Variants in METTL13 observed in about 807,000 individuals in gnomAD.
METTL13 encodes the protein eEF1A lysine and N-terminal methyltransferase.
METTL13 carries 52 observed loss-of-function variants against 67.4 expected under a neutral mutation model. The observed-to-expected ratio is 0.77, with a 90% CI of 0.62 to 0.97. The LOEUF (loss-of-function observed/expected upper bound fraction) is 0.97, where lower values mean the gene tolerates loss of function less well. Among genes scored for constraint, METTL13 ranks in the 50% least tolerant of loss-of-function variants. The pLI, the probability that METTL13 is intolerant of heterozygous loss-of-function variation, is 0.00. For missense variants in METTL13, 825 were observed against 889.6 expected (o/e 0.93, Z 0.92); for synonymous variants, 354 against 353.6 (o/e 1.00, Z -0.01).
chr1:171,796,908 C>A lies in METTL13; in HGVS notation c.*152C>A. The stretch of plus-strand genomic sequence containing the variant: ...TGTGACCTCCAGCTTGGTGAGGTTG[C>A]CTGAAGATTAGGGAAAATAAAAATG... On this transcript the variant is annotated 3_prime_UTR_variant, in exon 8 of 8. Transcript: ENST00000361735. 1.0e-6 allele frequency: 1 copy of A among 1,004,266 alleles called. No homozygotes were observed. The highest frequency in any genetic ancestry group is 1.6e-5 in the African/African-American group (1 of 61,580). The allele number at this position is 1,004,266 out of a possible 1,614,324, so 62.2% of individuals were successfully genotyped here.
At chr1:171,794,619 G>A (rs1002938301) in intron 7 of METTL13, 92 bp downstream of exon 7, 28 of 1,552,174 alleles carry the variant, frequency 1.8e-5, no homozygotes, top group South Asian at 1.3e-4. Flanking sequence ...GTGCGAGCTC[G>A]ATCAATTTTT....
intron 7 of METTL13, among the ~76,000 whole-genome samples, chr1:171,794,899 A>G (rs1657318960): frequency 6.6e-6 from 1 of 151,380 alleles, no homozygotes; most frequent in African/African-American, 2.4e-5. Context: ...GGCTCACTGT[A>G]GCCTCAAACT....
Position 171,792,208 on chromosome 1 carries a change from A to G in METTL13, c.1666A>G (p.Ile556Val), listed in dbSNP as rs1657232019. ...CCACATTGCAGATGGCCTGGACTAT[A>G]TCGCCAGCTTGGCAGGAGGAGGAGA... ...KVHIADGLDY[I>V]ASLAGGGEAR... Residue 556 changes from isoleucine (I) to valine (V), a missense_variant, in exon 6 of 8, where the codon ATC becomes GTC. Coordinates refer to ENST00000361735, the MANE Select transcript of METTL13 (RefSeq NM_015935.5). The G allele has an allele frequency of 6.2e-7, 1 of 1,614,222 alleles. No homozygotes were observed. The highest frequency in any genetic ancestry group is 8.5e-7 in the Non-Finnish European group (1 of 1,180,042).
chr1:171,795,790 C>A (rs1357797534), intron 7 of METTL13, among the ~76,000 whole-genome samples: 1 of 152,212 alleles, frequency 6.6e-6, no homozygotes, highest in East Asian at 1.9e-4. Context: ...GGTTAATACT[C>A]TATGGTGTGT....
At position 171,794,541 on chromosome 1, in the gene METTL13, A is replaced by C; in HGVS notation, c.1825+14A>C. 6.2e-7 allele frequency: 1 copy of C among 1,614,130 alleles called. No individual in the cohort carries two copies. The highest frequency in any genetic ancestry group is 8.5e-7 in the Non-Finnish European group (1 of 1,179,988). On this transcript the variant is annotated intron_variant, in intron 7 of 7. Transcript: ENST00000361735. ...TGACTCCTGAAGGTATGGAGAACAA[A>C]AGGTGGGAGAGGGAGGAGAGAAGGG... is the stretch of plus-strand genomic sequence containing the variant.
At position 171,787,768 on chromosome 1, in the gene METTL13, G is replaced by T. The variant is rs1311542225; in HGVS notation, c.1147G>T (p.Val383Phe). ...TCTGTCTGTGGGTGGGGACATTGGG[G>T]TCCGGACCGTTCAGCACCAAGACTG... The part of the protein sequence containing the change: ...PFLSVGGDIG[V>F]RTVQHQDCSP... The change falls in exon 4 of 8, where the codon GTC becomes TTC. Residue 383 changes from valine to phenylalanine, a missense_variant. Coordinates refer to ENST00000361735, the MANE Select transcript of METTL13 (RefSeq NM_015935.5). 2 of 1,614,150 alleles carry T rather than the reference G, an allele frequency of 1.2e-6. No homozygotes were observed. Among genetic ancestry groups the T allele is most frequent in the Non-Finnish European group, 1.7e-6 (2 of 1,180,018 alleles).
intron 5 of METTL13, among the ~76,000 whole-genome samples, chr1:171,791,251 G>A (rs896493298): frequency 6.6e-6 from 1 of 152,192 alleles, no homozygotes; most frequent in Admixed American, 6.6e-5. Flanking sequence ...TGATCCCCCT[G>A]TGGTGGCTGT....
At chr1:171,784,556 C>A in intron 2 of METTL13, 57 bp downstream of exon 2, 5 of 1,378,084 alleles carry the variant, frequency 3.6e-6, no homozygotes, top group Non-Finnish European at 4.8e-6. Context: ...GGGGCTGGGG[C>A]TTGGGCTGGG....
intron 5 of METTL13, 55 bp from the exon 6 acceptor site, chr1:171,791,962 T>C: frequency 1.9e-6 from 3 of 1,590,024 alleles, no homozygotes; most frequent in Non-Finnish European, 2.6e-6. Flanking sequence ...CTGAGGCTGG[T>C]ACAGAATTTT....
intron 2 of METTL13, among the ~76,000 whole-genome samples, 183 bp downstream of exon 2, chr1:171,784,682 A>G (rs1221955114): frequency 1.3e-5 from 2 of 152,198 alleles, no homozygotes; most frequent in Non-Finnish European, 2.9e-5. Flanking sequence ...GGAGAGTAAT[A>G]GCTCTCTAGC....
At chr1:171,787,631 A>G in intron 3 of METTL13, 104 bp from the exon 4 acceptor site, 1 of 1,048,954 alleles carries the variant, frequency 9.5e-7, no homozygotes, top group Non-Finnish European at 1.4e-6. Context: ...TGTTGTCTAG[A>G]ACCGTGGTAT....
chr1:171,782,456 T>C (rs1656859189), intron 1 of METTL13, among the ~76,000 whole-genome samples: 1 of 151,512 alleles, frequency 6.6e-6, no homozygotes, highest in Non-Finnish European at 1.5e-5. Context: ...TATTTCCAGC[T>C]ACTCGGGAGG....
At chr1:171,794,825 C>T (rs1558133610) in intron 7 of METTL13, among the ~76,000 whole-genome samples, 2 of 144,620 alleles carry the variant, frequency 1.4e-5, no homozygotes, top group Non-Finnish European at 3.1e-5. Flanking sequence ...GGAATGTTCC[C>T]TTTTTTTTTT....
Position 171,781,859 on chromosome 1 carries a change from A to G in METTL13, c.-109A>G. 1 of 1,528,908 alleles carries G rather than the reference A, an allele frequency of 6.5e-7. No homozygotes were observed. The highest frequency in any genetic ancestry group is 8.8e-7 in the Non-Finnish European group (1 of 1,139,310). 94.7% of individuals were successfully genotyped at this position (1,528,908 alleles called of 1,614,324 possible). A position where few individuals can be genotyped will look rare whatever the true frequency, so the allele number is the denominator to read the frequency against. On this transcript the variant is annotated 5_prime_UTR_variant, in exon 1 of 8. Transcript: ENST00000361735. ...TCAATGTGGCTGTTTTTCCGTGGAA[A>G]GAATTCCCACTGCAGTGTCCCGGAG...
intron 2 of METTL13, among the ~76,000 whole-genome samples, chr1:171,785,213 A>G (rs979200187): frequency 6.6e-6 from 1 of 152,234 alleles, no homozygotes; most frequent in Non-Finnish European, 1.5e-5. Context: ...TATCTTAATA[A>G]GGATAAAAAA....
At chr1:171,794,896 T>C (rs1460240070) in intron 7 of METTL13, among the ~76,000 whole-genome samples, 1 of 152,156 alleles carries the variant, frequency 6.6e-6, no homozygotes, top group East Asian at 1.9e-4. Context: ...CATGGCTCAC[T>C]GTAGCCTCAA....
chr1:171,788,053 T>A (rs1657084601), intron 4 of METTL13, 123 bp downstream of exon 4: 2 of 892,790 alleles, frequency 2.2e-6, no homozygotes, highest in African/African-American at 3.3e-5. Flanking sequence ...ATCTGGACTC[T>A]TAGGGTGTGA....
At chr1:171,788,147 A>G (rs1352857036) in intron 4 of METTL13, among the ~76,000 whole-genome samples, 3 of 152,102 alleles carry the variant, frequency 2.0e-5, no homozygotes, top group Non-Finnish European at 2.9e-5. Flanking sequence ...AACCAAATAC[A>G]GTGATAATCA....
At chr1:171,791,679 G>T (rs1326419372) in intron 5 of METTL13, among the ~76,000 whole-genome samples, 2 of 152,110 alleles carry the variant, frequency 1.3e-5, no homozygotes, top group African/African-American at 2.4e-5. Context: ...GCCCAGGCTG[G>T]TCTCGAACTC....
Sources: allele counts gnomAD v4.1 joint callset (sites outside exome capture counted in the v4.1 genomes callset), GRCh38; gene constraint gnomAD v4.1.1; transcripts MANE v1.5; gene names NCBI Gene and HGNC (gene_info 2026-07-23, HGNC 2026-07-21).